Variants in LIMS1 observed in about 807,000 individuals in gnomAD.
LIMS1 encodes the protein LIM zinc finger domain containing 1, also known as LIM and senescent cell antigen-like-containing domain protein 1.
A neutral mutation model predicts 44.1 loss-of-function variants in LIMS1; 18 were observed. That is an observed-to-expected ratio of 0.41 (90% CI 0.28 to 0.61). The LOEUF (loss-of-function observed/expected upper bound fraction) is 0.61. LIMS1 is among the 20% of genes least tolerant of loss of function. LIMS1 has a pLI of 0.32. For missense variants in LIMS1, 201 were observed against 422.0 expected, an observed-to-expected ratio of 0.48 and a Z score of 4.59; for synonymous variants, 93 against 149.1, an observed-to-expected ratio of 0.62 and a Z score of 2.74.
intron 1 of LIMS1, among the ~76,000 whole-genome samples, chr2:108,552,407 T>A (rs750198918): frequency 4.1e-5 from 6 of 145,144 alleles, no homozygotes; most frequent in Non-Finnish European, 6.0e-5. Context: ...TATATATACT[T>A]AACTATAATT....
At chr2:108,549,074 A>G (rs1294226716) in intron 1 of LIMS1, among the ~76,000 whole-genome samples, 1 of 152,152 alleles carries the variant, frequency 6.6e-6, no homozygotes, top group Admixed American at 6.6e-5. Flanking sequence ...CTCATGGGAC[A>G]GTGCATTGCA....
At chr2:108,622,800 A>G (rs1688326096) in intron 1 of LIMS1, among the ~76,000 whole-genome samples, 1 of 152,086 alleles carries the variant, frequency 6.6e-6, no homozygotes, top group Non-Finnish European at 1.5e-5. Flanking sequence ...TTAATTTCAG[A>G]TTTCGGGGTT....
At chr2:108,591,292 A>G (rs1294167263) in intron 1 of LIMS1, among the ~76,000 whole-genome samples, 1 of 152,110 alleles carries the variant, frequency 6.6e-6, no homozygotes, top group Non-Finnish European at 1.5e-5. Context: ...GTAATGCCAG[A>G]TGTGTGAACA....
At chr2:108,579,699 C>T (rs1022261777) in intron 1 of LIMS1, among the ~76,000 whole-genome samples, 1 of 152,228 alleles carries the variant, frequency 6.6e-6, no homozygotes, top group African/African-American at 2.4e-5. Flanking sequence ...GTATTCACAG[C>T]GAGCCTGCCC....
At chr2:108,679,154 G>A (rs183966652) in intron 8 of LIMS1, among the ~76,000 whole-genome samples, 2 of 151,820 alleles carry the variant, frequency 1.3e-5, no homozygotes, top group African/African-American at 2.4e-5. Flanking sequence ...ATTGTACTAG[G>A]CATTATAATT....
intron 1 of LIMS1, among the ~76,000 whole-genome samples, chr2:108,563,867 T>A (rs920353424): frequency 6.6e-6 from 1 of 151,972 alleles, no homozygotes; most frequent in Non-Finnish European, 1.5e-5. Context: ...GAGATGTGCC[T>A]GGGCAATACA....
chr2:108,634,099 C>A (rs1460651179), intron 1 of LIMS1, among the ~76,000 whole-genome samples: 1 of 152,156 alleles, frequency 6.6e-6, no homozygotes, highest in Non-Finnish European at 1.5e-5. Flanking sequence ...AAGACTCTTA[C>A]AAGGGTAGAG....
chr2:108,583,181 C>T (rs562966532), intron 1 of LIMS1, among the ~76,000 whole-genome samples: 1 of 150,452 alleles, frequency 6.6e-6, no homozygotes, highest in Non-Finnish European at 1.5e-5. Flanking sequence ...TACAGGCGCG[C>T]ACCACCACGC....
chr2:108,555,161 C>T (rs1346962441), intron 1 of LIMS1, among the ~76,000 whole-genome samples: 2 of 152,186 alleles, frequency 1.3e-5, no homozygotes, highest in Non-Finnish European at 2.9e-5. Context: ...GAGGTATCCA[C>T]ATGATCTGGG....
exon 10 of LIMS1, chr2:108,685,950 G>A (rs1218237604): frequency 6.6e-6 from 1 of 152,146 alleles, no homozygotes; most frequent in Non-Finnish European, 1.5e-5. Context: ...TCGACTGCTT[G>A]TGTTTGTTTA....
At chr2:108,597,187 A>C (rs1573403527) in intron 1 of LIMS1, among the ~76,000 whole-genome samples, 1 of 151,932 alleles carries the variant, frequency 6.6e-6, no homozygotes, top group Non-Finnish European at 1.5e-5. Flanking sequence ...GAGATTACAG[A>C]TGTGAGCCAC....
intron 1 of LIMS1, among the ~76,000 whole-genome samples, chr2:108,539,883 C>T (rs1237937936): frequency 6.6e-6 from 1 of 152,112 alleles, no homozygotes; most frequent in African/African-American, 2.4e-5. Context: ...CCTTCCCTCC[C>T]TATAGCCACC....
chr2:108,657,726 C>G (rs1690998968), intron 1 of LIMS1, among the ~76,000 whole-genome samples: 1 of 152,416 alleles, frequency 6.6e-6, no homozygotes, highest in African/African-American at 2.4e-5. Context: ...GCTTCCCTTT[C>G]TCCCTTCCTT....
intron 1 of LIMS1, among the ~76,000 whole-genome samples, chr2:108,645,357 G>C (rs1689987532): frequency 6.6e-6 from 1 of 152,246 alleles, no homozygotes; most frequent in South Asian, 2.1e-4. Context: ...TTAAAGGAAA[G>C]AATTTTCAAT....
chr2:108,556,902 T>C (rs528170628), intron 1 of LIMS1, among the ~76,000 whole-genome samples: 75 of 152,350 alleles, frequency 4.9e-4, no homozygotes, highest in South Asian at 8.3e-4. Context: ...CTGCTCTTTC[T>C]ACCCAATAAA....
chr2:108,664,253 C>T (rs546299717), intron 2 of LIMS1, among the ~76,000 whole-genome samples: 13 of 152,208 alleles, frequency 8.5e-5, no homozygotes, highest in Admixed American at 1.3e-4. Context: ...GGAAGATTTG[C>T]AACTTTGCAC....
chr2:108,638,294 G>A (rs1558821894), intron 1 of LIMS1, among the ~76,000 whole-genome samples: 1 of 152,260 alleles, frequency 6.6e-6, no homozygotes, highest in Non-Finnish European at 1.5e-5. Flanking sequence ...AAGGCAACGA[G>A]CTAGACTGAG....
At chr2:108,535,336 G>A (rs182906937) in intron 1 of LIMS1, among the ~76,000 whole-genome samples, 12 of 152,350 alleles carry the variant, frequency 7.9e-5, no homozygotes, top group Admixed American at 5.2e-4. Context: ...TACGTAAGTG[G>A]AAGTTTCTCA....
chr2:108,563,594 G>T (rs377585675), intron 1 of LIMS1, among the ~76,000 whole-genome samples: 1 of 152,216 alleles, frequency 6.6e-6, no homozygotes, highest in African/African-American at 2.4e-5. Flanking sequence ...GATAAAACTT[G>T]AACAGATGAG....
Sources: allele counts gnomAD v4.1 joint callset (sites outside exome capture counted in the v4.1 genomes callset), GRCh38; gene constraint gnomAD v4.1.1; transcripts MANE v1.5; gene names NCBI Gene and HGNC (gene_info 2026-07-23, HGNC 2026-07-21).